LNP1: variants seen among roughly 807,000 people sequenced by gnomAD.
LNP1 encodes leukemia NUP98 fusion partner 1.
In LNP1, 12 loss-of-function variants were observed where a neutral mutation model predicts 14.5. That is an observed-to-expected ratio of 0.83 (90% CI 0.53 to 1.34). LNP1 has a LOEUF of 1.34. Among genes scored for constraint, LNP1 ranks in the 40% most tolerant of loss-of-function variants. LNP1 has a pLI of 0.00. For synonymous variants in LNP1, 75 were observed against 71.4 expected, an observed-to-expected ratio of 1.05 and a Z score of -0.26; for missense variants, 198 against 210.9, an observed-to-expected ratio of 0.94 and a Z score of 0.38.
intron 1 of LNP1, among the ~76,000 whole-genome samples, chr3:100,408,035 T>C (rs1706987914): frequency 6.6e-6 from 1 of 152,248 alleles, no homozygotes; most frequent in African/African-American, 2.4e-5. Flanking sequence ...TCTTTGAGCT[T>C]CTTTAAAACA....
At chr3:100,422,881 G>A (rs34519974) in intron 1 of LNP1, among the ~76,000 whole-genome samples, 446 of 134,624 alleles carry the variant, frequency 3.3e-3, no homozygotes, top group Non-Finnish European at 4.6e-3. Context: ...CATGCTTCAC[G>A]GCTTTTTAGA....
At chr3:100,407,386 T>C (rs1348486464) in intron 1 of LNP1, among the ~76,000 whole-genome samples, 1 of 152,214 alleles carries the variant, frequency 6.6e-6, no homozygotes, top group Non-Finnish European at 1.5e-5. Context: ...AGTCTTTTTT[T>C]TCCTTTAGCA....
intron 2 of LNP1, among the ~76,000 whole-genome samples, chr3:100,435,511 AT>A (rs1173162390): frequency 1.4e-4 from 22 of 152,168 alleles, no homozygotes; most frequent in Non-Finnish European, 2.5e-4. Flanking sequence ...TAAAAAAATA[AT>A]TTTTTTTACA....
intron 2 of LNP1, among the ~76,000 whole-genome samples, chr3:100,447,099 G>C (rs1707395632): frequency 6.6e-6 from 1 of 152,142 alleles, no homozygotes; most frequent in Admixed American, 6.5e-5. Context: ...CCATTACTGG[G>C]TATATACCTG....
At chr3:100,419,701 T>C (rs1313668024) in intron 1 of LNP1, among the ~76,000 whole-genome samples, 1 of 152,144 alleles carries the variant, frequency 6.6e-6, no homozygotes, top group East Asian at 1.9e-4. Flanking sequence ...TAAAGAATGC[T>C]ATATAAAAAT....
chr3:100,427,464 C>A (rs191465824), intron 1 of LNP1, among the ~76,000 whole-genome samples: 5 of 152,304 alleles, frequency 3.3e-5, no homozygotes, highest in African/African-American at 9.6e-5. Context: ...CAACAGACAT[C>A]ATCTCAGCAG....
At chr3:100,424,313 A>G (rs1707172726) in intron 1 of LNP1, among the ~76,000 whole-genome samples, 2 of 152,340 alleles carry the variant, frequency 1.3e-5, no homozygotes, top group South Asian at 4.1e-4. Flanking sequence ...GGCTCAGCAT[A>G]TAGTTGTACT....
chr3:100,402,523 A>C (rs991532841), intron 1 of LNP1, 84 bp downstream of exon 1: 1 of 152,220 alleles, frequency 6.6e-6, no homozygotes, highest in Non-Finnish European at 1.5e-5. Context: ...TAGCAGTGGA[A>C]TTGAGTTGAT....
intron 2 of LNP1, among the ~76,000 whole-genome samples, chr3:100,437,492 G>A (rs1707303395): frequency 6.6e-6 from 1 of 152,170 alleles, no homozygotes; most frequent in Non-Finnish European, 1.5e-5. Context: ...TTACTGATTA[G>A]TTTAAAACAT....
In LNP1 at chr3:100,455,805, A is replaced by G. The variant is rs777192133; in HGVS notation, c.416A>G (p.Glu139Gly). 46 of 1,614,006 alleles carry G rather than the reference A, an allele frequency of 2.9e-5. No individual in the cohort carries two copies. The highest frequency in any genetic ancestry group is 1.5e-4 in the African/African-American group (11 of 74,916). Residue 139 changes from glutamate (E) to glycine (G), a missense_variant, in exon 4 of 4, where the codon GAA (glutamate) becomes GGA (glycine). Glu to Gly is a moderately conservative substitution (Grantham distance 98, BLOSUM62 -2). Transcript: ENST00000383693. The part of the protein sequence containing the change: ...LGPESRKERN[E>G]RECLRMEIKS... ...CCTGAAAGCAGAAAGGAGAGAAATG[A>G]AAGAGAATGCCTGAGGATGGAGATA...
intron 2 of LNP1, among the ~76,000 whole-genome samples, chr3:100,450,129 G>C (rs1203123382): frequency 7.1e-6 from 1 of 141,398 alleles, no homozygotes; most frequent in Non-Finnish European, 1.5e-5. Context: ...AGCCACTTCA[G>C]AGGCCTTGTT....
chr3:100,455,795 G>A lies in LNP1; in HGVS notation c.406G>A (p.Glu136Lys). Residue 136 changes from glutamate (E) to lysine (K), a missense_variant, in exon 4 of 4, where the codon GAG becomes AAG. Glu to Lys is a moderately conservative substitution (Grantham distance 56). Transcript: ENST00000383693. ...CTTTCAGGGACCTGAAAGCAGAAAG[G>A]AGAGAAATGAAAGAGAATGCCTGAG... ...SASLGPESRK[E>K]RNERECLRME... 1 of 1,614,010 alleles carries A rather than the reference G, an allele frequency of 6.2e-7. No individual in the cohort carries two copies.
chr3:100,429,776 G>A lies in LNP1; in HGVS notation c.47G>A (p.Trp16Ter). 7 of 1,613,920 alleles carry A rather than the reference G, an allele frequency of 4.3e-6. No homozygotes were observed. Among genetic ancestry groups the A allele is most frequent in the Non-Finnish European group, 5.9e-6 (7 of 1,179,944 alleles). ...GATGATGATGTGTCTTTTGCCAAAT[G>A]GATGAGCAGCTTCTGGGGCCACAGC... ...DDDDDVSFAK[W>*]MSSFWGHSWR... The change falls in exon 2 of 4, where the codon TGG (tryptophan) becomes TAG (stop). Residue 16 changes from tryptophan (W) to a stop codon, truncating the protein, a stop_gained. Transcript: ENST00000383693. LOFTEE classifies it high-confidence loss of function.
rs1483359301 is a variant in LNP1, at chr3:100,455,851, G to C, written c.462G>C (p.Glu154Asp). ...RMEIKSRKKV[E>D]EERSSRKEEH... ...AGATAAAATCCCGAAAGAAAGTAGA[G>C]GAAGAAAGGAGCTCTAGGAAAGAAG... The change falls in exon 4 of 4, where the codon GAG becomes GAC. Residue 154 changes from glutamate (E) to aspartate (D), a missense_variant. Transcript: ENST00000383693. The C allele has an allele frequency of 2.5e-6, 4 of 1,613,934 alleles. No homozygotes were observed. The East Asian group carries it at 8.9e-5, about 36-fold the overall frequency.
intron 2 of LNP1, among the ~76,000 whole-genome samples, chr3:100,443,169 A>G (rs1218716011): frequency 6.6e-6 from 1 of 152,248 alleles, no homozygotes; most frequent in East Asian, 1.9e-4. Flanking sequence ...AAATGAGAAA[A>G]ACATGGGGAA....
intron 1 of LNP1, among the ~76,000 whole-genome samples, chr3:100,420,588 A>G (rs1707134656): frequency 6.6e-6 from 1 of 152,158 alleles, no homozygotes; most frequent in Non-Finnish European, 1.5e-5. Context: ...AAGTGCTGGG[A>G]TTACAGGTGT....
At chr3:100,416,034 A>G (rs1205499310) in intron 1 of LNP1, among the ~76,000 whole-genome samples, 1 of 152,216 alleles carries the variant, frequency 6.6e-6, no homozygotes, top group South Asian at 2.1e-4. Flanking sequence ...ATATTGGTAG[A>G]TGAACCTAGA....
chr3:100,424,022 G>GC (rs1349129146), intron 1 of LNP1, among the ~76,000 whole-genome samples: 9 of 152,074 alleles, frequency 5.9e-5, no homozygotes, highest in Non-Finnish European at 1.0e-4. Context: ...CTTTTTTGCT[G>GC]CCCCATGTTT....
At chr3:100,415,703 CA>C (rs937016825) in intron 1 of LNP1, among the ~76,000 whole-genome samples, 1 of 152,000 alleles carries the variant, frequency 6.6e-6, no homozygotes, top group Non-Finnish European at 1.5e-5. Flanking sequence ...CTTGTAATAG[CA>C]AAAAGTGGAA....
Sources: allele counts gnomAD v4.1 joint callset (sites outside exome capture counted in the v4.1 genomes callset), GRCh38; gene constraint gnomAD v4.1.1; transcripts MANE v1.5; gene names NCBI Gene and HGNC (gene_info 2026-07-23, HGNC 2026-07-21).